Variants in NARS2 observed in about 807,000 individuals in gnomAD.
NARS2 encodes the protein asparaginyl-tRNA synthetase.
A neutral mutation model predicts 62.9 loss-of-function variants in NARS2; 60 were observed. The observed-to-expected ratio is 0.95, with a 90% CI of 0.77 to 1.18. NARS2 has a LOEUF of 1.18. NARS2 is among the 50% of genes most tolerant of loss of function. NARS2 has a pLI of 0.00. For synonymous variants in NARS2, 196 were observed against 200.0 expected (o/e 0.98, Z 0.17); for missense variants, 619 against 576.4 (o/e 1.07, Z -0.76).
chr11:78,541,096 T>G (rs1292651084), intron 5 of NARS2, among the ~76,000 whole-genome samples: 2 of 152,100 alleles, frequency 1.3e-5, no homozygotes, highest in African/African-American at 4.8e-5. Flanking sequence ...GAGGCAGAGG[T>G]TGTTGTGAGC....
intron 6 of NARS2, among the ~76,000 whole-genome samples, chr11:78,512,268 T>C (rs1860747652): frequency 1.3e-5 from 2 of 152,230 alleles, no homozygotes; most frequent in Admixed American, 6.5e-5. Flanking sequence ...CAGCAGCTTG[T>C]TCCAATCCTC....
chr11:78,553,575 C>A (rs1856211809), intron 5 of NARS2, among the ~76,000 whole-genome samples: 1 of 152,200 alleles, frequency 6.6e-6, no homozygotes, highest in South Asian at 2.1e-4. Flanking sequence ...AGGCATGAAC[C>A]ACCATGCCTA....
At chr11:78,526,390 T>G (rs1187447092) in intron 6 of NARS2, among the ~76,000 whole-genome samples, 1 of 152,144 alleles carries the variant, frequency 6.6e-6, no homozygotes, top group Non-Finnish European at 1.5e-5. Context: ...TTTAAAAGTC[T>G]GTTAATACTC....
chr11:78,470,742 T>C (rs1858834391), intron 9 of NARS2, among the ~76,000 whole-genome samples: 1 of 152,208 alleles, frequency 6.6e-6, no homozygotes. Context: ...AATTATTAGA[T>C]GAAAATTTGC....
At chr11:78,563,078 T>C (rs1353199329) in intron 4 of NARS2, among the ~76,000 whole-genome samples, 1 of 152,108 alleles carries the variant, frequency 6.6e-6, no homozygotes, top group African/African-American at 2.4e-5. Context: ...CTATCACACA[T>C]AAAGGTAGGT....
chr11:78,569,424 G>C (rs959133566), intron 2 of NARS2, among the ~76,000 whole-genome samples: 1 of 152,150 alleles, frequency 6.6e-6, no homozygotes, highest in Non-Finnish European at 1.5e-5. Flanking sequence ...CAAAGTGCTG[G>C]GATTAGAGGC....
chr11:78,557,532 G>C (rs1257248172), intron 5 of NARS2, among the ~76,000 whole-genome samples: 2 of 152,154 alleles, frequency 1.3e-5, no homozygotes, highest in African/African-American at 4.8e-5. Flanking sequence ...AAGCCAGATA[G>C]CACAGATCAG....
chr11:78,504,503 T>C (rs1860414212), intron 6 of NARS2, among the ~76,000 whole-genome samples: 1 of 141,576 alleles, frequency 7.1e-6, no homozygotes, highest in African/African-American at 2.6e-5. Flanking sequence ...GACATCAAAA[T>C]AAATAAAACT....
intron 6 of NARS2, among the ~76,000 whole-genome samples, chr11:78,510,680 AATAT>A (rs1054240537): frequency 9.2e-5 from 14 of 152,186 alleles, no homozygotes; most frequent in African/African-American, 2.7e-4. Flanking sequence ...ACTAAAACTG[AATAT>A]ATATTCATTA....
At chr11:78,455,226 T>A (rs1858116463) in intron 11 of NARS2, among the ~76,000 whole-genome samples, 1 of 152,194 alleles carries the variant, frequency 6.6e-6, no homozygotes, top group African/African-American at 2.4e-5. Context: ...TCCATAATTG[T>A]TCCTATCTTG....
intron 5 of NARS2, among the ~76,000 whole-genome samples, chr11:78,546,991 A>G (rs886704689): frequency 6.6e-6 from 1 of 152,250 alleles, no homozygotes. Flanking sequence ...ACATTTAATT[A>G]TTCTGCTACG....
At chr11:78,555,184 A>T (rs1565280910) in intron 5 of NARS2, 2 of 152,082 alleles carry the variant, frequency 1.3e-5, no homozygotes, top group Admixed American at 6.6e-5. Context: ...TACTAGCTTG[A>T]TATTTTCTTT....
intron 3 of NARS2, among the ~76,000 whole-genome samples, chr11:78,566,688 T>C (rs962556401): frequency 1.3e-5 from 2 of 152,218 alleles, no homozygotes; most frequent in African/African-American, 4.8e-5. Context: ...ATTTTAAAAT[T>C]ACCTATATGT....
At chr11:78,498,553 T>A (rs1432788265) in intron 6 of NARS2, among the ~76,000 whole-genome samples, 1 of 152,126 alleles carries the variant, frequency 6.6e-6, no homozygotes, top group Non-Finnish European at 1.5e-5. Flanking sequence ...CAAAAGTATA[T>A]ATCCATCTGC....
chr11:78,508,466 G>GCAATCCCAGCTACT (rs1368514980), intron 6 of NARS2, among the ~76,000 whole-genome samples: 2 of 152,062 alleles, frequency 1.3e-5, no homozygotes, highest in Non-Finnish European at 2.9e-5. Context: ...ACACATGCCT[G>GCAATCCCAGCTACT]CAATCCCAGC....
intron 7 of NARS2, among the ~76,000 whole-genome samples, chr11:78,483,533 C>A (rs568094737): frequency 7.2e-5 from 11 of 152,324 alleles, no homozygotes; most frequent in Middle Eastern, 6.8e-3. Context: ...TAAGCAACTT[C>A]AGCAAAGTCT....
intron 5 of NARS2, among the ~76,000 whole-genome samples, chr11:78,533,016 A>G (rs1166576146): frequency 6.6e-6 from 1 of 152,136 alleles, no homozygotes; most frequent in Non-Finnish European, 1.5e-5. Context: ...TTTGCACTTG[A>G]ACAAACTCTT....
At chr11:78,466,230 G>A (rs1591157717) in intron 10 of NARS2, among the ~76,000 whole-genome samples, 1 of 151,996 alleles carries the variant, frequency 6.6e-6, no homozygotes, top group African/African-American at 2.4e-5. Context: ...GAGGCCAGTA[G>A]ATAGACACTA....
rs1197687379 is a variant in NARS2 at position 78,469,276 on chromosome 11, C to G, written c.997G>C (p.Ala333Pro). 1 of 1,613,368 alleles carries G rather than the reference C, an allele frequency of 6.2e-7. No individual in the cohort carries two copies. ...YTEAVEILKQ[A>P]SQNFTFTPEW... ...GGGGTAAAGGTGAAGTTCTGGGATGCTTGCTTTAAGATCTCCACTGCTTCA... is the reference window on the plus strand; with the variant it reads ...GGGGTAAAGGTGAAGTTCTGGGATGGTTGCTTTAAGATCTCCACTGCTTCA... The change falls in exon 10 of 14, where the codon GCA becomes CCA. Residue 333 changes from alanine to proline, a missense_variant. Coordinates refer to ENST00000281038, the MANE Select transcript of NARS2 (RefSeq NM_024678.6).
Sources: gnomAD v4.1 joint callset for allele counts (sites outside exome capture counted in the v4.1 genomes callset) on GRCh38, gnomAD v4.1.1 for gene constraint, MANE v1.5 for transcripts, NCBI Gene and HGNC (gene_info 2026-07-23, HGNC 2026-07-21) for gene names.